Variants in EPB41 observed in about 807,000 individuals in gnomAD.
EPB41 encodes the protein erythrocyte membrane protein band 4.1.
EPB41 carries 65 observed loss-of-function variants against 108.0 expected under a neutral mutation model. The ratio of observed to expected loss-of-function variants is 0.60; its 90% confidence interval spans 0.49 to 0.74. The LOEUF (loss-of-function observed/expected upper bound fraction) is 0.74, where lower values mean the gene tolerates loss of function less well. Ranked by LOEUF, EPB41 falls within the 30% of genes least tolerant of loss-of-function variation. The probability of loss-of-function intolerance (pLI) is 0.00; values close to 1 mark genes in which losing one functional copy is unlikely to be tolerated. For missense variants in EPB41, 875 were observed against 1,037.0 expected, an observed-to-expected ratio of 0.84 and a Z score of 2.15; for synonymous variants, 336 against 358.9, an observed-to-expected ratio of 0.94 and a Z score of 0.72.
intron 1 of EPB41, among the ~76,000 whole-genome samples, chr1:28,972,341 G>A (rs935402546): frequency 6.6e-6 from 1 of 152,134 alleles, no homozygotes; most frequent in African/African-American, 2.4e-5. Context: ...GTATTTTCTG[G>A]GAGGGCCTGG....
At chr1:29,027,082 A>T (rs1405699703) in intron 7 of EPB41, among the ~76,000 whole-genome samples, 2 of 148,784 alleles carry the variant, frequency 1.3e-5, no homozygotes, top group Non-Finnish European at 3.0e-5. Flanking sequence ...ACGGAGTGGG[A>T]CTCCATCTCA....
intron 1 of EPB41, among the ~76,000 whole-genome samples, chr1:28,900,284 C>G (rs1479451796): frequency 8.0e-6 from 1 of 125,188 alleles, no homozygotes; most frequent in African/African-American, 3.1e-5. Flanking sequence ...TCATTTACTT[C>G]TTCTTCTTTT....
Position 29,115,829 on chromosome 1 carries a change from AG to A in EPB41, c.*6+29del, listed in dbSNP as rs755979166. On this transcript the variant is annotated intron_variant, in intron 20 of 20. Transcript: ENST00000343067. The surrounding 1 kb of genome is among the most constrained non-coding windows in gnomAD (Gnocchi z 4.4). ...GTACTGGGCGTTCCTGCTGGGGCTG[AG>A]GGTGCCCACAGTCCCAGCCTGAGAG... 59 of 1,570,094 alleles carry A rather than the reference AG, an allele frequency of 3.8e-5. No individual in the cohort carries two copies. The highest frequency in any genetic ancestry group is 3.5e-4 in the Middle Eastern group (2 of 5,772).
chr1:28,935,471 C>CACACACACACACACACAGA (rs1557725675), intron 1 of EPB41, among the ~76,000 whole-genome samples: 1 of 49,466 alleles, frequency 2.0e-5, no homozygotes. Flanking sequence ...ACACACACCC[C>CACACACACACACACACAGA]CCCCCCCCCA....
intron 15 of EPB41, among the ~76,000 whole-genome samples, chr1:29,062,024 T>A (rs1646657533): frequency 6.6e-6 from 1 of 152,248 alleles, no homozygotes; most frequent in Admixed American, 6.5e-5. Flanking sequence ...CCAGCCTTCA[T>A]TAAACATGTA....
At chr1:29,044,994 G>A (rs1642742586) in intron 11 of EPB41, among the ~76,000 whole-genome samples, 1 of 152,132 alleles carries the variant, frequency 6.6e-6, no homozygotes, top group Non-Finnish European at 1.5e-5. Flanking sequence ...GTACCCTTGT[G>A]TCAATACCAC....
intron 16 of EPB41, chr1:29,096,156 G>C: frequency 1.0e-6 from 1 of 985,786 alleles, no homozygotes; most frequent in Non-Finnish European, 1.2e-6. Context: ...CATTTGTAGA[G>C]TATAAATGGC....
rs2149343548 is a variant in EPB41, at chr1:28,974,320, A to G, written c.-7-13111A>G. Among the ~76,000 whole-genome samples, 3 of 152,332 alleles carry G rather than the reference A, an allele frequency of 2.0e-5. No individual in the cohort carries two copies. The South Asian group carries it at 6.2e-4, about 32-fold the overall frequency. ...GGAATGCTCTGGTCACTATAAGTCT[A>G]GAAATGCAGATAAAGATTGTAAGCT... On this transcript the variant is annotated intron_variant, in intron 1 of 20. Coordinates refer to ENST00000343067, the MANE Select transcript of EPB41 (RefSeq NM_001376013.1).
In EPB41 at chr1:29,014,512, C is replaced by T. The variant is rs114663607; in HGVS notation, c.830-1180C>T. ...TCGTTCCTGGAAGCAACCATGGTAA[C>T]GTGCTCTTTCCAGAGATGGTCTGAG... On this transcript the variant is annotated intron_variant, in intron 5 of 20. Coordinates refer to ENST00000343067, the MANE Select transcript of EPB41 (RefSeq NM_001376013.1). Among the ~76,000 whole-genome samples the T allele has an allele frequency of 4.1e-3, 626 of 151,938 alleles. 2 individuals carry two copies. The highest frequency in any genetic ancestry group is 0.012 in the African/African-American group (499 of 41,456).
At chr1:29,078,254 C>G (rs1654935610) in intron 16 of EPB41, among the ~76,000 whole-genome samples, 1 of 152,036 alleles carries the variant, frequency 6.6e-6, no homozygotes, top group African/African-American at 2.4e-5. Flanking sequence ...ATTTGGCCTG[C>G]TGCTTATAGT....
At chr1:28,984,680 C>A (rs2095835173) in intron 1 of EPB41, among the ~76,000 whole-genome samples, 2 of 143,892 alleles carry the variant, frequency 1.4e-5, no homozygotes, top group African/African-American at 2.6e-5. Context: ...TTTTTTGAGA[C>A]AAGGTGTTGC....
At chr1:28,921,606 C>A (rs2148275050) in intron 1 of EPB41, among the ~76,000 whole-genome samples, 1 of 151,906 alleles carries the variant, frequency 6.6e-6, no homozygotes, top group East Asian at 1.9e-4. Flanking sequence ...TTGCCCTTTT[C>A]TCTTTTTTTT....
chr1:28,963,865 C>T lies in EPB41; in HGVS notation c.-7-23566C>T, dbSNP rs553196672. Among the ~76,000 whole-genome samples the T allele has an allele frequency of 4.6e-5, 7 of 152,260 alleles. No individual in the cohort carries two copies. In the East Asian group the frequency reaches 7.7e-4, roughly 17 times the overall value. On this transcript the variant is annotated intron_variant, in intron 1 of 20. Transcript: ENST00000343067. ...TAAACTATTTTGGATATCCCATAGACGCGTCAACTTTTCTAAAAACAGAAC... is the reference window on the plus strand; with the variant it reads ...TAAACTATTTTGGATATCCCATAGATGCGTCAACTTTTCTAAAAACAGAAC...
chr1:28,975,303 G>C (rs1398374330), intron 1 of EPB41, among the ~76,000 whole-genome samples: 1 of 152,162 alleles, frequency 6.6e-6, no homozygotes, highest in Non-Finnish European at 1.5e-5. Context: ...TTTAGGATCT[G>C]ATATGCAACT....
chr1:28,997,584 A>G (rs866796031), intron 4 of EPB41, among the ~76,000 whole-genome samples: 4 of 152,218 alleles, frequency 2.6e-5, no homozygotes, highest in Non-Finnish European at 5.9e-5. Context: ...GGTATGATGC[A>G]CTGATTAGCA....
At chr1:28,907,308 C>T (rs1375875501) in intron 1 of EPB41, among the ~76,000 whole-genome samples, 1 of 151,886 alleles carries the variant, frequency 6.6e-6, no homozygotes, top group East Asian at 1.9e-4. Context: ...CTCAGGTGAT[C>T]CACCTGCCTC....
chr1:28,908,443 T>TTATTA lies in EPB41; in HGVS notation c.-8+21234_-8+21235insATTAT, dbSNP rs768300221. ...AGTTATTATTATTATTATTATTATT[T>TTATTA]TTTTTTGAGATAGAGTCTTGCCCTG... On this transcript the variant is annotated intron_variant, in intron 1 of 16. Transcript: ENST00000347529. Among the ~76,000 whole-genome samples the TTATTA allele has an allele frequency of 2.0e-3, 297 of 145,848 alleles. 1 individual carries two copies. Among genetic ancestry groups the TTATTA allele is most frequent in the Middle Eastern group, 0.011 (3 of 282 alleles).
At chr1:28,914,566 C>A (rs1486831597), upstream of EPB41, 2 of 151,516 alleles carry the variant, frequency 1.3e-5, no homozygotes, top group African/African-American at 4.8e-5. Flanking sequence ...GGCCTCGCCT[C>A]GCAGAGGGAA....
intron 1 of EPB41, among the ~76,000 whole-genome samples, chr1:28,906,584 C>G (rs1279277771): frequency 1.3e-5 from 2 of 152,080 alleles, no homozygotes; most frequent in Non-Finnish European, 2.9e-5. Flanking sequence ...TGTCCCAGGG[C>G]TATTATCAGA....
Sources: allele counts gnomAD v4.1 joint callset (sites outside exome capture counted in the v4.1 genomes callset), GRCh38; gene constraint gnomAD v4.1.1; non-coding constraint Gnocchi (gnomAD v3.1); transcripts MANE v1.5; gene names NCBI Gene and HGNC (gene_info 2026-07-23, HGNC 2026-07-21).